Variants in GRM3 observed in about 807,000 individuals in gnomAD.
GRM3 encodes metabotropic glutamate receptor 3.
In GRM3, 26 loss-of-function variants were observed where a neutral mutation model predicts 70.5. The ratio of observed to expected loss-of-function variants is 0.37; its 90% CI spans 0.27 to 0.51. GRM3 has a LOEUF of 0.51. GRM3 is among the 20% of genes least tolerant of loss of function. The pLI is 0.93. For missense variants in GRM3, 859 were observed against 1,123.8 expected, an observed-to-expected ratio of 0.76 and a Z score of 3.37; for synonymous variants, 443 against 434.9, an observed-to-expected ratio of 1.02 and a Z score of -0.23.
chr7:86,738,681 C>A (rs1459371988), intron 1 of GRM3, among the ~76,000 whole-genome samples: 1 of 151,948 alleles, frequency 6.6e-6, no homozygotes, highest in African/African-American at 2.4e-5. Flanking sequence ...TACTGGGATG[C>A]AATGGAAGGG....
At chr7:86,665,685 T>G (rs535476542) in intron 1 of GRM3, among the ~76,000 whole-genome samples, 1 of 152,168 alleles carries the variant, frequency 6.6e-6, no homozygotes, top group East Asian at 1.9e-4. Flanking sequence ...CTTCTTCTGT[T>G]TATGAAGATT....
chr7:86,771,135 G>C (rs1796728731), intron 2 of GRM3, among the ~76,000 whole-genome samples: 1 of 152,086 alleles, frequency 6.6e-6, no homozygotes, highest in Admixed American at 6.6e-5. Context: ...TGAAGGAAGT[G>C]AGTTCTCTGT....
chr7:86,733,928 G>C (rs1795797680), intron 1 of GRM3, among the ~76,000 whole-genome samples: 1 of 152,200 alleles, frequency 6.6e-6, no homozygotes, highest in South Asian at 2.1e-4. Context: ...AAGTGATGTG[G>C]TTACATAATA....
At chr7:86,799,487 G>C (rs1797633129) in intron 3 of GRM3, among the ~76,000 whole-genome samples, 2 of 152,026 alleles carry the variant, frequency 1.3e-5, no homozygotes, top group Admixed American at 1.3e-4. Flanking sequence ...CTATGGGTTT[G>C]TTATAAGTGT....
chr7:86,779,332 A>G (rs1035721192), intron 2 of GRM3, among the ~76,000 whole-genome samples: 6 of 152,210 alleles, frequency 3.9e-5, no homozygotes, highest in African/African-American at 1.4e-4. Flanking sequence ...ACATTGCACA[A>G]TAAAATTGTT....
intron 1 of GRM3, among the ~76,000 whole-genome samples, chr7:86,686,412 T>A (rs1376659828): frequency 6.6e-6 from 1 of 152,212 alleles, no homozygotes; most frequent in Non-Finnish European, 1.5e-5. Context: ...TCTTGTGTGA[T>A]ACACAGGGCA....
chr7:86,758,949 A>G (rs182270426), intron 1 of GRM3, among the ~76,000 whole-genome samples: 2 of 152,230 alleles, frequency 1.3e-5, no homozygotes, highest in East Asian at 3.9e-4. Context: ...TATTAATAAA[A>G]TAGGTTTATA....
At chr7:86,761,847 G>A (rs538857250) in intron 1 of GRM3, among the ~76,000 whole-genome samples, 5 of 152,098 alleles carry the variant, frequency 3.3e-5, no homozygotes, top group Non-Finnish European at 5.9e-5. Flanking sequence ...TTCTTTCAGC[G>A]TAATGCTGTG....
At chr7:86,815,158 G>C (rs182211475) in intron 3 of GRM3, among the ~76,000 whole-genome samples, 9 of 151,734 alleles carry the variant, frequency 5.9e-5, no homozygotes, top group Non-Finnish European at 1.2e-4. Flanking sequence ...GGGAAAAGGA[G>C]GGGGAACGGG....
intron 1 of GRM3, among the ~76,000 whole-genome samples, chr7:86,645,714 T>C (rs73704938): frequency 0.021 from 3,260 of 152,198 alleles, 121 homozygotes; most frequent in African/African-American, 0.073. Context: ...GTATTTTAGA[T>C]ATTGTAAATT....
At chr7:86,732,420 A>G (rs1327929991) in intron 1 of GRM3, among the ~76,000 whole-genome samples, 1 of 129,008 alleles carries the variant, frequency 7.8e-6, no homozygotes, top group African/African-American at 3.6e-5. Context: ...GAACCTGGCT[A>G]TAGAGGCAGT....
chr7:86,764,742 C>T (rs957809242), intron 1 of GRM3, among the ~76,000 whole-genome samples: 1 of 152,054 alleles, frequency 6.6e-6, no homozygotes, highest in African/African-American at 2.4e-5. Flanking sequence ...AGTCCAAACC[C>T]AATCTGCAAT....
intron 2 of GRM3, among the ~76,000 whole-genome samples, chr7:86,777,635 T>C (rs547191960): frequency 6.6e-6 from 1 of 152,170 alleles, no homozygotes; most frequent in African/African-American, 2.4e-5. Flanking sequence ...ATTGTTTTCA[T>C]GCAAATTGTT....
At chr7:86,737,841 T>A (rs1280919231) in intron 1 of GRM3, among the ~76,000 whole-genome samples, 1 of 152,188 alleles carries the variant, frequency 6.6e-6, no homozygotes, top group East Asian at 1.9e-4. Flanking sequence ...AAATTCATAA[T>A]GAAACATCCC....
At chr7:86,695,029 C>T (rs1794783144) in intron 1 of GRM3, among the ~76,000 whole-genome samples, 1 of 152,168 alleles carries the variant, frequency 6.6e-6, no homozygotes, top group Non-Finnish European at 1.5e-5. Context: ...TGTACCAATG[C>T]TTATCAGGCC....
At chr7:86,828,450 T>A (rs1391124789) in intron 3 of GRM3, among the ~76,000 whole-genome samples, 1 of 152,208 alleles carries the variant, frequency 6.6e-6, no homozygotes, top group Non-Finnish European at 1.5e-5. Flanking sequence ...TTCTAGGCCA[T>A]TGCAATAAAG....
chr7:86,687,247 A>G (rs957433919), intron 1 of GRM3, among the ~76,000 whole-genome samples: 4 of 152,016 alleles, frequency 2.6e-5, no homozygotes, highest in Admixed American at 2.0e-4. Context: ...TTTTATAGAC[A>G]TAAGATCCAA....
At chr7:86,795,402 A>T (rs1797526548) in intron 3 of GRM3, among the ~76,000 whole-genome samples, 1 of 151,772 alleles carries the variant, frequency 6.6e-6, no homozygotes, top group Non-Finnish European at 1.5e-5. Flanking sequence ...CTATCAACGC[A>T]TCATCTAGGT....
Position 86,786,823 on chromosome 7 carries a change from A to G in GRM3, c.1031A>G (p.Asn344Ser). Residue 344 changes from asparagine to serine, a missense_variant, in exon 3 of 6, where the codon AAC (asparagine) becomes AGC (serine). By Grantham distance (46) the Asn-to-Ser change is conservative. Transcript: ENST00000361669. This position sits in a 1 kb window ranked among gnomAD's most constrained non-coding sequence, Gnocchi z 6.0. ...DRYFQSLNPY[N>S]NHRNPWFRDF... ...TACTTCCAGAGCCTCAACCCCTACA[A>G]CAACCACCGCAACCCCTGGTTCCGG... 6.2e-7 allele frequency: 1 copy of G among 1,614,072 alleles called. No homozygotes were observed. The highest frequency in any genetic ancestry group is 8.5e-7 in the Non-Finnish European group (1 of 1,179,974).
Sources: gnomAD v4.1 joint callset for allele counts (sites outside exome capture counted in the v4.1 genomes callset) on GRCh38, gnomAD v4.1.1 for gene constraint, Gnocchi (gnomAD v3.1) non-coding constraint, MANE v1.5 for transcripts, NCBI Gene and HGNC (gene_info 2026-07-23, HGNC 2026-07-21) for gene names.